STIP1: variants seen among roughly 807,000 people sequenced by gnomAD.
The protein encoded by STIP1 is stress-induced-phosphoprotein 1.
A neutral mutation model predicts 77.4 loss-of-function variants in STIP1; 16 were observed. That is an observed-to-expected ratio of 0.21 (90% CI 0.14 to 0.31). STIP1 has a LOEUF of 0.31. Ranked by LOEUF, STIP1 falls within the 10% of genes least tolerant of loss-of-function variation. STIP1 has a pLI of 1.00. For synonymous variants in STIP1, 258 were observed against 246.6 expected (o/e 1.05, Z -0.44); for missense variants, 524 against 684.8 (o/e 0.77, Z 2.62).
chr11:64,199,040 A>C (rs1236241690), intron 8 of STIP1, among the ~76,000 whole-genome samples: 1 of 151,016 alleles, frequency 6.6e-6, no homozygotes, highest in Non-Finnish European at 1.5e-5. Context: ...TCTACTAAAA[A>C]TACGAAAAAA....
intron 7 of STIP1, 96 bp downstream of exon 7, chr11:64,197,691 G>A: frequency 6.4e-7 from 1 of 1,563,458 alleles, no homozygotes; most frequent in East Asian, 2.2e-5. Context: ...GCTGGCCATA[G>A]AATCTGCTGT....
intron 1 of STIP1, among the ~76,000 whole-genome samples, chr11:64,189,078 CTG>C (rs758452550): frequency 2.0e-5 from 3 of 152,116 alleles, no homozygotes; most frequent in African/African-American, 7.2e-5. Context: ...AAAAGAAAAA[CTG>C]GGCCGGGCGT....
In STIP1 at chr11:64,194,726, C is replaced by T. The variant is rs1410390455; in HGVS notation, c.503+106C>T. 9 of 1,426,814 alleles carry T rather than the reference C, an allele frequency of 6.3e-6. No homozygotes were observed. The South Asian group carries it at 1.3e-4, about 20-fold the overall frequency. 88.4% of individuals were successfully genotyped at this position (1,426,814 alleles called of 1,614,324 possible). The stretch of plus-strand genomic sequence containing the variant: ...CCTGGTCTAAACTGCAGAGTTTTTG[C>T]CTTTGCTTATTCTCTGCAGAGCAGT... On this transcript the variant is annotated intron_variant, in intron 4 of 13. Transcript: ENST00000305218.
chr11:64,188,519 C>T (rs1946053854), intron 1 of STIP1, among the ~76,000 whole-genome samples: 1 of 152,052 alleles, frequency 6.6e-6, no homozygotes, highest in Non-Finnish European at 1.5e-5. Flanking sequence ...TCCTGAGTAG[C>T]TGGGCACACC....
At chr11:64,191,262 A>G (rs922460729) in intron 1 of STIP1, among the ~76,000 whole-genome samples, 29 of 151,566 alleles carry the variant, frequency 1.9e-4, no homozygotes, top group Non-Finnish European at 3.4e-4. Flanking sequence ...GTCAGCTGTG[A>G]TCATGCCACT....
chr11:64,202,030 A>G (rs971704279), intron 10 of STIP1, among the ~76,000 whole-genome samples: 1 of 152,206 alleles, frequency 6.6e-6, no homozygotes, highest in African/African-American at 2.4e-5. Flanking sequence ...AGGAAATTGT[A>G]TACATTTGGT....
Position 64,194,575 on chromosome 11 carries a change from G to A in STIP1, c.458G>A (p.Arg153Gln), listed in dbSNP as rs780704186. Residue 153 changes from arginine (R) to glutamine (Q), a missense_variant, in exon 4 of 14, where the codon CGG becomes CAG. By Grantham distance (43) the Arg-to-Gln change is conservative. Transcript: ENST00000305218. The stretch of plus-strand genomic sequence containing the variant: ...ACACTACTCAGTGATCCTACCTACC[G>A]GGAGCTGATAGAGCAGCTACGAAAC... ...TRTLLSDPTYRELIEQLRNKP... is the reference protein window; with the variant it reads ...TRTLLSDPTYQELIEQLRNKP... 3.1e-6 allele frequency: 5 copies of A among 1,614,040 alleles called. No individual in the cohort carries two copies. Among genetic ancestry groups the A allele is most frequent in the African/African-American group, 1.3e-5 (1 of 74,908 alleles).
Position 64,203,215 on chromosome 11 carries a change from A to T in STIP1, c.1373A>T (p.Asp458Val). Residue 458 changes from aspartate (D) to valine (V), a missense_variant, in exon 12 of 14, where the codon GAC becomes GTC. By Grantham distance (152) the Asp-to-Val change is radical. Coordinates refer to ENST00000305218, the MANE Select transcript of STIP1 (RefSeq NM_006819.3). ...GTGTACCAGAAGGCGCTAGACCTGG[A>T]CTCCAGCTGTAAGGTGGGGCTGCTT... Reference protein sequence around the residue: ...MDVYQKALDLDSSCKEAADGY... With the variant: ...MDVYQKALDLVSSCKEAADGY... The T allele has an allele frequency of 6.2e-7, 1 of 1,613,868 alleles. No homozygotes were observed. The highest frequency in any genetic ancestry group is 8.5e-7 in the Non-Finnish European group (1 of 1,180,030).
chr11:64,186,142 G>T, upstream of STIP1: 1 of 1,550,860 alleles, frequency 6.4e-7, no homozygotes, highest in African/African-American at 1.4e-5. Context: ...GTGAGCAGGC[G>T]AGGAAGGGGC....
chr11:64,194,020 T>TA (rs1422497471), intron 2 of STIP1, among the ~76,000 whole-genome samples, 169 bp from the exon 3 acceptor site: 1 of 152,218 alleles, frequency 6.6e-6, no homozygotes, highest in Non-Finnish European at 1.5e-5. Flanking sequence ...GATGGATCCT[T>TA]ACAGTAGCAG....
Position 64,197,253 on chromosome 11 carries a change from C to G in STIP1, c.673-18C>G, listed in dbSNP as rs565498459. 1.9e-6 allele frequency: 3 copies of G among 1,613,926 alleles called. No homozygotes were observed. In the South Asian group the frequency reaches 3.3e-5, roughly 18 times the overall value. ...CTGAGTTAGATTTGCTCAGCACTCA[C>G]TTCTAAACCTCATCTAGGCACTGAA... On this transcript the variant is annotated intron_variant, in intron 5 of 13. Coordinates refer to ENST00000305218, the MANE Select transcript of STIP1 (RefSeq NM_006819.3).
intron 10 of STIP1, among the ~76,000 whole-genome samples, chr11:64,200,776 A>G (rs1421522565): frequency 6.6e-6 from 1 of 151,948 alleles, no homozygotes; most frequent in Non-Finnish European, 1.5e-5. Context: ...AAGAAGTGGA[A>G]TTGCTGGGTC....
upstream of STIP1, chr11:64,185,837 A>T: frequency 6.5e-7 from 1 of 1,536,158 alleles, no homozygotes; most frequent in Non-Finnish European, 8.7e-7. Flanking sequence ...GGAGTCCGGC[A>T]GCCCAATGGG....
chr11:64,187,947 G>A (rs1034383113), intron 1 of STIP1, among the ~76,000 whole-genome samples: 3 of 151,380 alleles, frequency 2.0e-5, no homozygotes, highest in Non-Finnish European at 2.9e-5. Context: ...AGCTTGCAGT[G>A]AGCCGAGATT....
rs1946235223 is a variant in STIP1, at chr11:64,202,872, C to T, written c.1246-4C>T. The T allele has an allele frequency of 6.2e-7, 1 of 1,614,174 alleles. No homozygotes were observed. The highest frequency in any genetic ancestry group is 8.5e-7 in the Non-Finnish European group (1 of 1,180,036). ...CCTAATTTCTTTCTGTTGCTTCATT[C>T]TAGGACTGTGAGGAATGTATCCAGC... On this transcript the variant is annotated splice_region_variant and splice_polypyrimidine_tract_variant and intron_variant, in intron 10 of 13. Coordinates refer to ENST00000305218, the MANE Select transcript of STIP1 (RefSeq NM_006819.3).
intron 10 of STIP1, among the ~76,000 whole-genome samples, chr11:64,201,283 C>T (rs900318088): frequency 1.4e-4 from 22 of 152,202 alleles, no homozygotes; most frequent in African/African-American, 5.1e-4. Context: ...TCAAGCGAGC[C>T]TCCTGCCTTG....
upstream of STIP1, chr11:64,186,017 G>A: frequency 1.3e-6 from 2 of 1,544,374 alleles, no homozygotes; most frequent in Non-Finnish European, 1.7e-6. Flanking sequence ...TGCGGGGGAG[G>A]CAGGGTTGAG....
chr11:64,190,634 T>G (rs978491903), intron 1 of STIP1, among the ~76,000 whole-genome samples: 1 of 152,150 alleles, frequency 6.6e-6, no homozygotes, highest in African/African-American at 2.4e-5. Context: ...CTTGCATCAA[T>G]TTACTGGGTC....
At position 64,197,844 on chromosome 11, in the gene STIP1, T is replaced by C. The variant is rs550619489; in HGVS notation, c.903-10T>C. On this transcript the variant is annotated splice_polypyrimidine_tract_variant and intron_variant, in intron 7 of 13. Transcript: ENST00000305218. ...GTCCTAAGCAGTCCTTGTCCCTCTT[T>C]CTTTATCAGAGCATATGCTCGAATT... The C allele has an allele frequency of 2.1e-5, 34 of 1,610,888 alleles. No individual in the cohort carries two copies. The South Asian group carries it at 3.1e-4, about 15-fold the overall frequency.
Sources: allele counts gnomAD v4.1 joint callset (sites outside exome capture counted in the v4.1 genomes callset), GRCh38; gene constraint gnomAD v4.1.1; transcripts MANE v1.5; gene names NCBI Gene and HGNC (gene_info 2026-07-23, HGNC 2026-07-21).